Variants in PCDHGA4 observed in about 807,000 individuals in gnomAD.
The protein encoded by PCDHGA4 is protocadherin gamma subfamily A, 4, also known as protocadherin gamma-A4.
PCDHGA4 carries 38 observed loss-of-function variants against 54.6 expected under a neutral mutation model. That is an observed-to-expected ratio of 0.70 (90% confidence interval 0.54 to 0.91). The LOEUF (loss-of-function observed/expected upper bound fraction) is 0.91. PCDHGA4 is among the 40% of genes least tolerant of loss of function. The pLI is 0.00. For synonymous variants in PCDHGA4, 511 were observed against 512.9 expected (o/e 1.00, Z 0.05); for missense variants, 1,298 against 1,220.9 (o/e 1.06, Z -0.94).
intron 2 of PCDHGA4, among the ~76,000 whole-genome samples, chr5:141,497,553 T>G (rs2099777684): frequency 6.6e-6 from 1 of 151,326 alleles, no homozygotes; most frequent in Non-Finnish European, 1.5e-5. Flanking sequence ...TTTTTTTTTT[T>G]TTTTTAGACA....
At position 141,487,147 on chromosome 5, in the gene PCDHGA4, T is replaced by C; in HGVS notation, c.2515-7660T>C. 1 of 1,614,122 alleles carries C rather than the reference T, an allele frequency of 6.2e-7. No individual in the cohort carries two copies. Among genetic ancestry groups the C allele is most frequent in the Non-Finnish European group, 8.5e-7 (1 of 1,179,952 alleles). On this transcript the variant is annotated intron_variant, in intron 1 of 3. Transcript: ENST00000571252. This position sits in a 1 kb window ranked among gnomAD's most constrained non-coding sequence, Gnocchi z 5.0. ...GTGGTAGTCCACCACTCTCTACCTC[T>C]GTTACTCTCTTAGTGTCCTTAGAGG...
chr5:141,450,669 T>C (rs2098689726), intron 1 of PCDHGA4, among the ~76,000 whole-genome samples: 1 of 151,904 alleles, frequency 6.6e-6, no homozygotes, highest in Admixed American at 6.6e-5. Context: ...GTACTTTTAG[T>C]AGAAACGGGG....
chr5:141,403,442 G>C (rs565143998), intron 1 of PCDHGA4: 1 of 1,614,024 alleles, frequency 6.2e-7, no homozygotes, highest in East Asian at 2.2e-5. Flanking sequence ...GGATGTTGGC[G>C]TGAACTCCCT....
At chr5:141,357,738 G>A (rs896483270) in intron 1 of PCDHGA4, 117 bp downstream of exon 1, 2 of 1,293,792 alleles carry the variant, frequency 1.5e-6, no homozygotes, top group South Asian at 1.6e-5. Flanking sequence ...ATATTTTATT[G>A]CTTTAAAGAA....
intron 1 of PCDHGA4, chr5:141,366,483 G>T (rs1194485862): frequency 1.4e-5 from 23 of 1,614,118 alleles, no homozygotes; most frequent in Non-Finnish European, 1.8e-5. Flanking sequence ...AGACTGAGGC[G>T]CTGGCACAAG....
chr5:141,417,760 C>A, intron 1 of PCDHGA4: 1 of 1,438,808 alleles, frequency 7.0e-7, no homozygotes, highest in South Asian at 1.5e-5. Context: ...GCTCCGAGAC[C>A]CGGGACTCCT....
At chr5:141,369,409 A>G (rs1468517805) in intron 1 of PCDHGA4, among the ~76,000 whole-genome samples, 1 of 152,194 alleles carries the variant, frequency 6.6e-6, no homozygotes, top group Non-Finnish European at 1.5e-5. Flanking sequence ...GTTCATGACT[A>G]TAATCCCAGC....
chr5:141,419,389 G>C (rs551951411), intron 1 of PCDHGA4: 1 of 1,613,670 alleles, frequency 6.2e-7, no homozygotes, highest in South Asian at 1.1e-5. Context: ...TGAGCGCGCA[G>C]AGCGGGGTGG....
At chr5:141,384,969 G>C (rs996601457) in intron 1 of PCDHGA4, 1 of 1,614,014 alleles carries the variant, frequency 6.2e-7, no homozygotes, top group Admixed American at 1.7e-5. Flanking sequence ...ATGACCTCAC[G>C]TTGTACCTGG....
chr5:141,372,791 T>C, intron 1 of PCDHGA4: 2 of 1,600,738 alleles, frequency 1.2e-6, no homozygotes, highest in Non-Finnish European at 8.5e-7. Flanking sequence ...TGCCTTCTAA[T>C]TCAGGCAATT....
rs748591129 is a variant in PCDHGA4 at position 141,388,776 on chromosome 5, G to A, written c.2514+31155G>A. ...ATTTGACCTGAACTCTAACACCGGG[G>A]AAATTACTGTTTTAAATACATTAGA... On this transcript the variant is annotated intron_variant, in intron 1 of 3. Transcript: ENST00000571252. 8.7e-6 allele frequency: 14 copies of A among 1,613,806 alleles called. 1 individual carries two copies. In the South Asian group the frequency reaches 1.1e-4, roughly 13 times the overall value.
chr5:141,420,960 T>C, intron 1 of PCDHGA4: 1 of 425,378 alleles, frequency 2.4e-6, no homozygotes, highest in East Asian at 3.9e-5. Context: ...TCTTAGTCGT[T>C]GCAATAATAA....
chr5:141,421,524 G>A (rs375937711), intron 1 of PCDHGA4: 25 of 1,613,940 alleles, frequency 1.5e-5, no homozygotes, highest in Admixed American at 5.0e-5. Context: ...TCTGTGAGAC[G>A]GTGTCCTCCT....
At chr5:141,376,106 C>G (rs747782630) in intron 1 of PCDHGA4, 2 of 1,613,796 alleles carry the variant, frequency 1.2e-6, no homozygotes, top group East Asian at 4.5e-5. Flanking sequence ...CCTGGCCGAC[C>G]TGGGCAGCCT....
At position 141,355,419 on chromosome 5, in the gene PCDHGA4, GCTTTT is replaced by G; in HGVS notation, c.314_318del (p.Leu105ArgfsTer14). 6.2e-7 allele frequency: 1 copy of G among 1,614,042 alleles called. No homozygotes were observed. The highest frequency in any genetic ancestry group is 8.5e-7 in the Non-Finnish European group (1 of 1,179,932). ...GCATCGTCTCCAGAGGTAGGACGCAGCTTTTCGCCCTGAACCCGCGCAGCGGCACC... is the reference window on the plus strand; with the variant it reads ...GCATCGTCTCCAGAGGTAGGACGCAGCGCCCTGAACCCGCGCAGCGGCACC... On this transcript the variant is annotated frameshift_variant, in exon 1 of 4. Coordinates refer to ENST00000571252, the MANE Select transcript of PCDHGA4 (RefSeq NM_018917.4). LOFTEE classifies it high-confidence loss of function.
chr5:141,359,965 C>T, intron 1 of PCDHGA4: 1 of 621,570 alleles, frequency 1.6e-6, no homozygotes, highest in South Asian at 5.1e-5. Flanking sequence ...CGAAGAGAAG[C>T]GTTTGGGAGC....
chr5:141,394,020 AG>A (rs745548616), intron 1 of PCDHGA4: 1 of 1,613,544 alleles, frequency 6.2e-7, no homozygotes, highest in Non-Finnish European at 8.5e-7. Flanking sequence ...TAATTATTAT[AG>A]ATTAGTGACA....
At chr5:141,375,450 C>T in intron 1 of PCDHGA4, 1 of 1,614,014 alleles carries the variant, frequency 6.2e-7, no homozygotes, top group Non-Finnish European at 8.5e-7. Flanking sequence ...CCCCATTCAT[C>T]CTACTCAGTC....
At chr5:141,475,071 C>T (rs1198043142) in intron 1 of PCDHGA4, among the ~76,000 whole-genome samples, 2 of 152,198 alleles carry the variant, frequency 1.3e-5, no homozygotes, top group Non-Finnish European at 2.9e-5. Context: ...AGCTTTGCTG[C>T]CATTATTTCA....
Sources: gnomAD v4.1 joint callset for allele counts (sites outside exome capture counted in the v4.1 genomes callset) on GRCh38, gnomAD v4.1.1 for gene constraint, Gnocchi (gnomAD v3.1) non-coding constraint, MANE v1.5 for transcripts, NCBI Gene and HGNC (gene_info 2026-07-23, HGNC 2026-07-21) for gene names.